The following H2BC21 variants were observed in gnomAD, a reference collection of about 807,000 sequenced individuals.
H2BC21 encodes histone H2B type 2-E.
In H2BC21, 2 loss-of-function variants were observed where a neutral mutation model predicts 6.2. That is an observed-to-expected ratio of 0.32 (90% CI 0.13 to 1.02). The LOEUF (loss-of-function observed/expected upper bound fraction) is 1.02. Among genes scored for constraint, H2BC21 ranks in the 50% least tolerant of loss-of-function variants. The pLI is 0.47. For missense variants in H2BC21, 98 were observed against 172.2 expected, an observed-to-expected ratio of 0.57 and a Z score of 2.41; for synonymous variants, 109 against 75.2, an observed-to-expected ratio of 1.45 and a Z score of -2.33.
In H2BC21 at chr1:149,885,838, G is replaced by C. The variant is rs1465356629; in HGVS notation, c.*422C>G. ...GTGTTTGCGGAACCCGGGCTGAATTGTGTCCTGGAGTTCTCTTAAATGACA... is the reference window on the plus strand; with the variant it reads ...GTGTTTGCGGAACCCGGGCTGAATTCTGTCCTGGAGTTCTCTTAAATGACA... On this transcript the variant is annotated 3_prime_UTR_variant, in exon 1 of 1. Transcript: ENST00000369155. 4 of 279,996 alleles carry C rather than the reference G, an allele frequency of 1.4e-5. No homozygotes were observed. Among genetic ancestry groups the C allele is most frequent in the Non-Finnish European group, 2.1e-5 (3 of 143,812 alleles). The allele number at this position is 279,996 out of a possible 1,614,324, so 17.3% of individuals were successfully genotyped here.
In H2BC21 at chr1:149,885,583, T is replaced by A. The variant is rs1162294464; in HGVS notation, c.*677A>T. ...TATCAACAAAATGAGAAATAGGAAT[T>A]TCAAAGTCTCAAAGTGAACGACGGA... On this transcript the variant is annotated 3_prime_UTR_variant, in exon 1 of 1. Transcript: ENST00000369155. The A allele has an allele frequency of 1.3e-5, 2 of 153,660 alleles. No homozygotes were observed. The highest frequency in any genetic ancestry group is 4.8e-5 in the African/African-American group (2 of 41,404). The allele number at this position is 153,660 out of a possible 1,614,324, so 9.5% of individuals were successfully genotyped here.
chr1:149,885,922 T>G lies in H2BC21; in HGVS notation c.*338A>C. 1 of 386,964 alleles carries G rather than the reference T, an allele frequency of 2.6e-6. No homozygotes were observed. 24.0% of individuals were successfully genotyped at this position (386,964 alleles called of 1,614,324 possible). A position where few individuals can be genotyped will look rare whatever the true frequency, so the allele number is the denominator to read the frequency against. On this transcript the variant is annotated 3_prime_UTR_variant, in exon 1 of 1. Coordinates refer to ENST00000369155, the MANE Select transcript of H2BC21 (RefSeq NM_003528.3). Reference sequence around the variant, plus strand: ...AGACCCAAGGAGCCACCAGGGCGCGTGTGGGGCGGGAGTGGGGGCGGGTAA... The same window carrying G: ...AGACCCAAGGAGCCACCAGGGCGCGGGTGGGGCGGGAGTGGGGGCGGGTAA...
rs782225184 is a variant in H2BC21, at chr1:149,886,329, G to A, written c.312C>T (p.Pro104=). ...ACACGGCGTGCTTGGCCAGCTCGCC[G>A]GGCAGCAGCAGGCGCACGGCCGTCT... is the stretch of plus-strand genomic sequence containing the variant. The part of the protein sequence containing the change: ...EIQTAVRLLL[P]GELAKHAVSE... Residue 104 remains proline, a synonymous_variant, in exon 1 of 1, where the codon CCC becomes CCT. Transcript: ENST00000369155. 7 of 1,614,088 alleles carry A rather than the reference G, an allele frequency of 4.3e-6. No individual in the cohort carries two copies. Among genetic ancestry groups the A allele is most frequent in the Non-Finnish European group, 5.9e-6 (7 of 1,180,006 alleles).
rs1285208013 is a variant in H2BC21, at chr1:149,885,537, C to G, written c.*723G>C. ...GGCCGTAGCGTTACCATTTAAAGCA[C>G]AGACCATTAAATGCAGAAATTATCA... On this transcript the variant is annotated 3_prime_UTR_variant, in exon 1 of 1. Coordinates refer to ENST00000369155, the MANE Select transcript of H2BC21 (RefSeq NM_003528.3). The G allele has an allele frequency of 1.3e-5, 2 of 153,280 alleles. No individual in the cohort carries two copies. Among genetic ancestry groups the G allele is most frequent in the Non-Finnish European group, 2.9e-5 (2 of 68,740 alleles). 9.5% of individuals were successfully genotyped at this position (153,280 alleles called of 1,614,324 possible).
Position 149,886,144 on chromosome 1 carries a change from T to C in H2BC21, c.*116A>G. 1 of 1,513,938 alleles carries C rather than the reference T, an allele frequency of 6.6e-7. No homozygotes were observed. The highest frequency in any genetic ancestry group is 1.2e-5 in the South Asian group (1 of 83,576). 93.8% of individuals were successfully genotyped at this position (1,513,938 alleles called of 1,614,324 possible). Reference sequence around the variant, plus strand: ...AATAACTTACTTTATGAAAAGAAACTAAGGGAATAAGTGAACAAGCTCTTT... The same window carrying C: ...AATAACTTACTTTATGAAAAGAAACCAAGGGAATAAGTGAACAAGCTCTTT... On this transcript the variant is annotated 3_prime_UTR_variant, in exon 1 of 1. Coordinates refer to ENST00000369155, the MANE Select transcript of H2BC21 (RefSeq NM_003528.3).
Position 149,886,611 on chromosome 1 carries a change from G to T in H2BC21, c.30C>A (p.Ala10=). Residue 10 remains alanine (A), a synonymous_variant, in exon 1 of 1, where the codon GCC becomes GCA. Transcript: ENST00000369155. The part of the protein sequence containing the change: MPEPAKSAP[A]PKKGSKKAVT... ...CGGCTTTCTTGGAGCCCTTTTTAGG[G>T]GCCGGAGCGGATTTTGCCGGTTCAG... The T allele has an allele frequency of 4.3e-6, 7 of 1,614,022 alleles. No homozygotes were observed. Among genetic ancestry groups the T allele is most frequent in the Non-Finnish European group, 5.9e-6 (7 of 1,180,008 alleles).
chr1:149,886,573 T>C lies in H2BC21; in HGVS notation c.68A>G (p.Gln23Arg). Residue 23 changes from glutamine to arginine, a missense_variant, in exon 1 of 1, where the codon CAG (glutamine) becomes CGG (arginine). Physicochemically the swap from Gln to Arg is conservative, Grantham distance 43. Transcript: ENST00000369155. ...KGSKKAVTKA[Q>R]KKDGKKRKRS... ...CTTGCGCTTCTTGCCGTCTTTCTTC[T>C]GGGCTTTGGTGACGGCTTTCTTGGA... 4.3e-6 allele frequency: 7 copies of C among 1,614,242 alleles called. No individual in the cohort carries two copies. Among genetic ancestry groups the C allele is most frequent in the South Asian group, 2.2e-5 (2 of 91,090 alleles).
rs587708927 is a variant in H2BC21, at chr1:149,885,949, G to A, written c.*311C>T. On this transcript the variant is annotated 3_prime_UTR_variant, in exon 1 of 1. Coordinates refer to ENST00000369155, the MANE Select transcript of H2BC21 (RefSeq NM_003528.3). ...TGGGGCGGGAGTGGGGGCGGGTAAAGAGGCGGATTCCCAACAGCCTAATTG... is the reference window on the plus strand; with the variant it reads ...TGGGGCGGGAGTGGGGGCGGGTAAAAAGGCGGATTCCCAACAGCCTAATTG... The A allele has an allele frequency of 2.3e-5, 10 of 437,076 alleles. No individual in the cohort carries two copies. Among genetic ancestry groups the A allele is most frequent in the African/African-American group, 1.8e-4 (9 of 49,774 alleles). 27.1% of individuals were successfully genotyped at this position (437,076 alleles called of 1,614,324 possible). A position where few individuals can be genotyped will look rare whatever the true frequency, so the allele number is the denominator to read the frequency against.
At position 149,886,229 on chromosome 1, in the gene H2BC21, G is replaced by A. The variant is rs1553759684; in HGVS notation, c.*31C>T. 6.2e-7 allele frequency: 1 copy of A among 1,613,916 alleles called. No homozygotes were observed. The highest frequency in any genetic ancestry group is 8.5e-7 in the Non-Finnish European group (1 of 1,179,930). On this transcript the variant is annotated 3_prime_UTR_variant, in exon 1 of 1. Coordinates refer to ENST00000369155, the MANE Select transcript of H2BC21 (RefSeq NM_003528.3). ...TTTGGAGTCAAGCAGCCGGCGACTC[G>A]AGCGAGCGAGCGCCAGGTCCCGGCA...
chr1:149,886,137 A>C lies in H2BC21; in HGVS notation c.*123T>G. ...ACACTAAAATAACTTACTTTATGAAAAGAAACTAAGGGAATAAGTGAACAA... is the reference window on the plus strand; with the variant it reads ...ACACTAAAATAACTTACTTTATGAACAGAAACTAAGGGAATAAGTGAACAA... On this transcript the variant is annotated 3_prime_UTR_variant, in exon 1 of 1. Coordinates refer to ENST00000369155, the MANE Select transcript of H2BC21 (RefSeq NM_003528.3). 6.7e-7 allele frequency: 1 copy of C among 1,488,418 alleles called. No homozygotes were observed. Among genetic ancestry groups the C allele is most frequent in the Non-Finnish European group, 9.1e-7 (1 of 1,102,926 alleles). 92.2% of individuals were successfully genotyped at this position (1,488,418 alleles called of 1,614,324 possible).
Position 149,885,929 on chromosome 1 carries a change from C to T in H2BC21, c.*331G>A, listed in dbSNP as rs1307962153. The T allele has an allele frequency of 7.5e-6, 3 of 401,270 alleles. No homozygotes were observed. Among genetic ancestry groups the T allele is most frequent in the Non-Finnish European group, 1.4e-5 (3 of 218,122 alleles). 24.9% of individuals were successfully genotyped at this position (401,270 alleles called of 1,614,324 possible). Reference sequence around the variant, plus strand: ...AGGAGCCACCAGGGCGCGTGTGGGGCGGGAGTGGGGGCGGGTAAAGAGGCG... The same window carrying T: ...AGGAGCCACCAGGGCGCGTGTGGGGTGGGAGTGGGGGCGGGTAAAGAGGCG... On this transcript the variant is annotated 3_prime_UTR_variant, in exon 1 of 1. Coordinates refer to ENST00000369155, the MANE Select transcript of H2BC21 (RefSeq NM_003528.3).
chr1:149,886,500 C>T lies in H2BC21; in HGVS notation c.141G>A (p.Lys47=), dbSNP rs1553759746. ...AGATGCCGGTGTCGGGGTGGACCTG[C>T]TTCAGCACCTTGTACACGTAGATGG... ...SYSIYVYKVL[K]QVHPDTGISS... is the part of the protein sequence containing the mutation. Residue 47 remains lysine (K), a synonymous_variant, in exon 1 of 1, where the codon AAG becomes AAA. Coordinates refer to ENST00000369155, the MANE Select transcript of H2BC21 (RefSeq NM_003528.3). 6.2e-7 allele frequency: 1 copy of T among 1,614,264 alleles called. No individual in the cohort carries two copies. Among genetic ancestry groups the T allele is most frequent in the Admixed American group, 1.7e-5 (1 of 60,032 alleles).
chr1:149,886,614 C>T lies in H2BC21; in HGVS notation c.27G>A (p.Pro9=), dbSNP rs2092300230. The stretch of plus-strand genomic sequence containing the variant: ...CTTTCTTGGAGCCCTTTTTAGGGGC[C>T]GGAGCGGATTTTGCCGGTTCAGGCA... MPEPAKSA[P]APKKGSKKAV... is the part of the protein sequence containing the mutation. The change falls in exon 1 of 1, where the codon CCG becomes CCA. Residue 9 remains proline, a synonymous_variant. Transcript: ENST00000369155. 5 of 1,613,816 alleles carry T rather than the reference C, an allele frequency of 3.1e-6. No individual in the cohort carries two copies. The highest frequency in any genetic ancestry group is 3.4e-6 in the Non-Finnish European group (4 of 1,179,996).
chr1:149,886,319 C>T lies in H2BC21; in HGVS notation c.322G>A (p.Ala108Thr). Residue 108 changes from alanine to threonine, a missense_variant, in exon 1 of 1, where the codon GCC (alanine) becomes ACC (threonine). Physicochemically the swap from Ala to Thr is moderately conservative, Grantham distance 58. Coordinates refer to ENST00000369155, the MANE Select transcript of H2BC21 (RefSeq NM_003528.3). ...AVRLLLPGEL[A>T]KHAVSEGTKA... ...GTGCCCTCGGACACGGCGTGCTTGG[C>T]CAGCTCGCCGGGCAGCAGCAGGCGC... 3 of 1,614,066 alleles carry T rather than the reference C, an allele frequency of 1.9e-6. No homozygotes were observed. The highest frequency in any genetic ancestry group is 2.5e-6 in the Non-Finnish European group (3 of 1,179,986).
In H2BC21 at chr1:149,886,222, G is replaced by A; in HGVS notation, c.*38C>T. 2 of 1,613,894 alleles carry A rather than the reference G, an allele frequency of 1.2e-6. No homozygotes were observed. Among genetic ancestry groups the A allele is most frequent in the Middle Eastern group, 1.7e-4 (1 of 5,964 alleles). Reference sequence around the variant, plus strand: ...AAGAGCCTTTGGAGTCAAGCAGCCGGCGACTCGAGCGAGCGAGCGCCAGGT... The same window carrying A: ...AAGAGCCTTTGGAGTCAAGCAGCCGACGACTCGAGCGAGCGAGCGCCAGGT... On this transcript the variant is annotated 3_prime_UTR_variant, in exon 1 of 1. Coordinates refer to ENST00000369155, the MANE Select transcript of H2BC21 (RefSeq NM_003528.3).
rs1553759718 is a variant in H2BC21, at chr1:149,886,383, C to G, written c.258G>C (p.Lys86Asn). ...GEASRLAHYN[K>N]RSTITSREIQ... ...TCTCGCGGGATGTGATGGTGGAGCG[C>G]TTGTTGTAGTGCGCCAGGCGGGAAG... Residue 86 changes from lysine to asparagine, a missense_variant, in exon 1 of 1, where the codon AAG (lysine) becomes AAC (asparagine). Lys to Asn is a moderately conservative substitution (Grantham distance 94, BLOSUM62 0). Around this residue, in one of 2 missense-constraint regions of H2BC21, gnomAD observed 48 missense variants for 137.8 expected, o/e 0.35. Transcript: ENST00000369155. The G allele has an allele frequency of 6.2e-7, 1 of 1,614,212 alleles. No homozygotes were observed. Among genetic ancestry groups the G allele is most frequent in the Non-Finnish European group, 8.5e-7 (1 of 1,180,050 alleles).
At position 149,886,143 on chromosome 1, in the gene H2BC21, C is replaced by CTAAGGGAA. The variant is rs1168947326; in HGVS notation, c.*109_*116dup. Reference sequence around the variant, plus strand: ...AAATAACTTACTTTATGAAAAGAAACTAAGGGAATAAGTGAACAAGCTCTT... The same window carrying CTAAGGGAA: ...AAATAACTTACTTTATGAAAAGAAACTAAGGGAATAAGGGAATAAGTGAACAAGCTCTT... On this transcript the variant is annotated 3_prime_UTR_variant, in exon 1 of 1. Transcript: ENST00000369155. The CTAAGGGAA allele has an allele frequency of 6.6e-7, 1 of 1,507,510 alleles. No homozygotes were observed. Among genetic ancestry groups the CTAAGGGAA allele is most frequent in the East Asian group, 2.3e-5 (1 of 42,730 alleles). The allele number at this position is 1,507,510 out of a possible 1,614,324, so 93.4% of individuals were successfully genotyped here. A position where few individuals can be genotyped will look rare whatever the true frequency, so the allele number is the denominator to read the frequency against.
In H2BC21 at chr1:149,886,592, T is replaced by TA. The variant is rs1348951745; in HGVS notation, c.48_49insT (p.Lys17Ter). On this transcript the variant is annotated frameshift_variant, in exon 1 of 1. Transcript: ENST00000369155. LOFTEE classifies it high-confidence loss of function. ...TTCTTCTGGGCTTTGGTGACGGCTTTCTTGGAGCCCTTTTTAGGGGCCGGA... is the reference window on the plus strand; with the variant it reads ...TTCTTCTGGGCTTTGGTGACGGCTTTACTTGGAGCCCTTTTTAGGGGCCGGA... The TA allele has an allele frequency of 1.2e-6, 2 of 1,614,044 alleles. No homozygotes were observed. The highest frequency in any genetic ancestry group is 2.7e-5 in the African/African-American group (2 of 74,918).
In H2BC21 at chr1:149,885,945, TAA is replaced by T. The variant is rs1359797253; in HGVS notation, c.*313_*314del. On this transcript the variant is annotated 3_prime_UTR_variant, in exon 1 of 1. Coordinates refer to ENST00000369155, the MANE Select transcript of H2BC21 (RefSeq NM_003528.3). ...CGTGTGGGGCGGGAGTGGGGGCGGG[TAA>T]AGAGGCGGATTCCCAACAGCCTAAT... is the stretch of plus-strand genomic sequence containing the variant. 2.4e-6 allele frequency: 1 copy of T among 423,462 alleles called. No homozygotes were observed. Among genetic ancestry groups the T allele is most frequent in the South Asian group, 2.3e-5 (1 of 43,860 alleles). The allele number at this position is 423,462 out of a possible 1,614,324, so 26.2% of individuals were successfully genotyped here.
Sources: gnomAD v4.1 joint callset for allele counts on GRCh38, gnomAD v4.1.1 for gene constraint, gnomAD v4.1.1 regional missense constraint, MANE v1.5 for transcripts, NCBI Gene and HGNC (gene_info 2026-07-23, HGNC 2026-07-21) for gene names.